The following LTF variants were observed in gnomAD, a reference collection of about 807,000 sequenced individuals.
LTF encodes the protein epididymis luminal protein 110.
A neutral mutation model predicts 87.2 loss-of-function variants in LTF; 91 were observed. The observed-to-expected ratio is 1.04, with a 90% CI of 0.88 to 1.24. The LOEUF (loss-of-function observed/expected upper bound fraction) is 1.24, where lower values mean the gene tolerates loss of function less well. LTF is among the 50% of genes most tolerant of loss of function. The pLI is 0.00. For synonymous variants in LTF, 378 were observed against 356.1 expected, an observed-to-expected ratio of 1.06 and a Z score of -0.69; for missense variants, 901 against 904.3, an observed-to-expected ratio of 1.00 and a Z score of 0.05.
At chr3:46,437,114 T>A (rs943228636) in intron 16 of LTF, among the ~76,000 whole-genome samples, 4 of 152,200 alleles carry the variant, frequency 2.6e-5, no homozygotes, top group African/African-American at 9.7e-5. Flanking sequence ...TCTGAATGAT[T>A]GCAGTGCACA....
intron 1 of LTF, among the ~76,000 whole-genome samples, chr3:46,471,288 C>T (rs150753651): frequency 2.0e-5 from 3 of 152,184 alleles, no homozygotes; most frequent in African/African-American, 7.2e-5. Flanking sequence ...GTCTGTTTCT[C>T]TCTCTCTCCT....
intron 1 of LTF, among the ~76,000 whole-genome samples, chr3:46,482,507 AG>A (rs1703446143): frequency 5.0e-5 from 1 of 20,108 alleles, no homozygotes; most frequent in African/African-American, 1.9e-4. Context: ...AGGGAAGGGA[AG>A]GGAAGGGAAG....
At position 46,455,841 on chromosome 3, in the gene LTF, G is replaced by C. The variant is rs146006710; in HGVS notation, c.454C>G (p.Arg152Gly). Reference protein sequence around the residue: ...AGWNVPIGTLRPFLNWTGPPE... With the variant: ...AGWNVPIGTLGPFLNWTGPPE... ...GGACCCGTCCAATTCAAGAATGGAC[G>C]AAGTGTCCCTATAGGGACATTCCAT... The change falls in exon 4 of 17, where the codon CGT becomes GGT. Residue 152 changes from arginine (R) to glycine (G), a missense_variant. Transcript: ENST00000231751. 1.2e-6 allele frequency: 2 copies of C among 1,602,548 alleles called. No homozygotes were observed. The highest frequency in any genetic ancestry group is 2.2e-5 in the South Asian group (2 of 89,520).
At chr3:46,474,545 C>T (rs1391885324) in intron 1 of LTF, among the ~76,000 whole-genome samples, 3 of 152,136 alleles carry the variant, frequency 2.0e-5, no homozygotes, top group East Asian at 3.8e-4. Context: ...ACTGATAGAA[C>T]AGACAGCAAA....
chr3:46,466,718 A>T (rs1703220383), upstream of LTF, among the ~76,000 whole-genome samples: 1 of 152,232 alleles, frequency 6.6e-6, no homozygotes, highest in Non-Finnish European at 1.5e-5. Context: ...TGCACCATTT[A>T]AAGTTGCCAT....
upstream of LTF, among the ~76,000 whole-genome samples, chr3:46,465,373 C>T (rs541502605): frequency 1.4e-4 from 22 of 152,270 alleles, no homozygotes; most frequent in Admixed American, 1.4e-3. Context: ...AAAAGATGAC[C>T]CGACCACCCC....
rs1209771410 is a variant in LTF, at chr3:46,436,145, G to A, written c.*50C>T. The A allele has an allele frequency of 6.3e-7, 1 of 1,590,994 alleles. No homozygotes were observed. Among genetic ancestry groups the A allele is most frequent in the South Asian group, 1.1e-5 (1 of 90,582 alleles). ...ACACACCTGGGGAGAAGAGCTGGGG[G>A]CAGTGAATGGCTGAGGCTTTCTTGG... is the stretch of plus-strand genomic sequence containing the variant. On this transcript the variant is annotated 3_prime_UTR_variant, in exon 17 of 17. Transcript: ENST00000231751.
chr3:46,484,030 T>C (rs1703484860), intron 1 of LTF, among the ~76,000 whole-genome samples: 1 of 152,204 alleles, frequency 6.6e-6, no homozygotes, highest in African/African-American at 2.4e-5. Context: ...AGAGGTGCTG[T>C]CCTTGTTTGG....
intron 5 of LTF, 33 bp downstream of exon 5, chr3:46,455,262 G>A: frequency 1.2e-6 from 2 of 1,613,616 alleles, no homozygotes; most frequent in South Asian, 2.2e-5. Flanking sequence ...AGGGACACTT[G>A]GCCACTGACG....
At chr3:46,460,122 G>T (rs1263848412) in intron 1 of LTF, among the ~76,000 whole-genome samples, 1 of 152,186 alleles carries the variant, frequency 6.6e-6, no homozygotes, top group African/African-American at 2.4e-5. Context: ...TGATCCCCCA[G>T]ATCAGTTATG....
upstream of LTF, chr3:46,468,271 C>T: frequency 2.2e-6 from 1 of 456,772 alleles, no homozygotes; most frequent in South Asian, 1.5e-5. Context: ...CAACACTGGT[C>T]TATGGGACAT....
At chr3:46,461,172 G>T (rs775774035) in intron 1 of LTF, among the ~76,000 whole-genome samples, 1 of 152,244 alleles carries the variant, frequency 6.6e-6, no homozygotes, top group African/African-American at 2.4e-5. Flanking sequence ...CGATGAGGAT[G>T]TGGAGAAGTG....
chr3:46,467,644 CTTTTTT>C (rs5848801), upstream of LTF, among the ~76,000 whole-genome samples: 1 of 123,042 alleles, frequency 8.1e-6, no homozygotes, highest in Non-Finnish European at 1.7e-5. Flanking sequence ...CTTTTCTTTT[CTTTTTT>C]TTTTTTTTTT....
Position 46,449,871 on chromosome 3 carries a change from A to G in LTF, c.1040T>C (p.Ile347Thr). 6.2e-7 allele frequency: 1 copy of G among 1,614,128 alleles called. No individual in the cohort carries two copies. The highest frequency in any genetic ancestry group is 1.3e-5 in the African/African-American group (1 of 75,026). Residue 347 changes from isoleucine to threonine, a missense_variant, in exon 8 of 17, where the codon ATC becomes ACC. Transcript: ENST00000231751. ...LYLGSGYFTA[I>T]QNLRKSEEEV... is the part of the protein sequence containing the mutation. Reference sequence around the variant, plus strand: ...TCACTCACTTTTCCTCAAGTTCTGGATGGCAGTGAAGTAGCCGGAGCCAAG... The same window carrying G: ...TCACTCACTTTTCCTCAAGTTCTGGGTGGCAGTGAAGTAGCCGGAGCCAAG...
intron 6 of LTF, among the ~76,000 whole-genome samples, chr3:46,453,820 C>T (rs1221766876): frequency 2.6e-5 from 4 of 152,152 alleles, no homozygotes; most frequent in Non-Finnish European, 5.9e-5. Context: ...AACCTCTGTC[C>T]ATCACTATGG....
rs144709618 is a variant in LTF at position 46,459,801 on chromosome 3, C to T, written c.62G>A (p.Arg21His). 1.2e-4 allele frequency: 186 copies of T among 1,557,862 alleles called. No homozygotes were observed. The highest frequency in any genetic ancestry group is 1.1e-3 in the Middle Eastern group (6 of 5,534). The change falls in exon 2 of 17, where the codon CGT (arginine) becomes CAT (histidine). Residue 21 changes from arginine to histidine, a missense_variant. Coordinates refer to ENST00000231751, the MANE Select transcript of LTF (RefSeq NM_002343.6). ...GGCGCACCACTGAACACTCCTCCTA[C>T]GGCCAGCCAGACACAGTCCTGGGAG... ...LGALGLCLAG[R>H]RRSVQWCAVS...
rs369700646 is a variant in LTF at position 46,447,452 on chromosome 3, C to G, written c.1213-54G>C. 4.1e-4 allele frequency: 504 copies of G among 1,226,852 alleles called. No homozygotes were observed. The African/African-American group carries it at 6.4e-3, about 16-fold the overall frequency. 76.0% of individuals were successfully genotyped at this position (1,226,852 alleles called of 1,614,324 possible). On this transcript the variant is annotated intron_variant, in intron 9 of 16. Transcript: ENST00000231751. ...CACAGTGAGGCTGCATCCCGTCCTG[C>G]CTGTCTATATAGCTCTCTGAGAGAA...
At chr3:46,450,730 C>T (rs937324951) in intron 6 of LTF, 57 bp from the exon 7 acceptor site, 4 of 1,441,056 alleles carry the variant, frequency 2.8e-6, no homozygotes, top group Non-Finnish European at 3.9e-6. Context: ...GCAGTAACCT[C>T]GAGCTATAGT....
intron 1 of LTF, chr3:46,463,534 C>T: frequency 2.0e-6 from 2 of 985,518 alleles, no homozygotes; most frequent in Non-Finnish European, 1.2e-6. Flanking sequence ...ACAAGGGTTG[C>T]AATGGCACTT....
Sources: allele counts gnomAD v4.1 joint callset (sites outside exome capture counted in the v4.1 genomes callset), GRCh38; gene constraint gnomAD v4.1.1; transcripts MANE v1.5; gene names NCBI Gene and HGNC (gene_info 2026-07-23, HGNC 2026-07-21).